Variants in AFG1L observed in about 807,000 individuals in gnomAD.
AFG1L encodes AFG1-like ATPase.
In AFG1L, 53 loss-of-function variants were observed where a neutral mutation model predicts 62.2. The observed-to-expected ratio is 0.85, with a 90% CI of 0.68 to 1.07. The LOEUF (loss-of-function observed/expected upper bound fraction) is 1.07, where lower values mean the gene tolerates loss of function less well. AFG1L is among the 50% of genes least tolerant of loss of function. The probability of loss-of-function intolerance (pLI) is 0.00; values close to 1 mark genes in which losing one functional copy is unlikely to be tolerated. For synonymous variants in AFG1L, 228 were observed against 210.3 expected, an observed-to-expected ratio of 1.08 and a Z score of -0.73; for missense variants, 555 against 590.5, an observed-to-expected ratio of 0.94 and a Z score of 0.62.
chr6:108,337,338 G>A (rs1778511309), intron 2 of AFG1L, among the ~76,000 whole-genome samples: 1 of 152,144 alleles, frequency 6.6e-6, no homozygotes, highest in East Asian at 1.9e-4. Flanking sequence ...TTTGCAATAT[G>A]TTGTATTGAC....
At chr6:108,497,571 A>G (rs1774022416) in intron 10 of AFG1L, among the ~76,000 whole-genome samples, 1 of 152,016 alleles carries the variant, frequency 6.6e-6, no homozygotes, top group Non-Finnish European at 1.5e-5. Context: ...CTAAAACGAT[A>G]CCACAAAATT....
chr6:108,384,316 T>G (rs892181322), intron 6 of AFG1L, among the ~76,000 whole-genome samples: 2 of 152,172 alleles, frequency 1.3e-5, no homozygotes, highest in Non-Finnish European at 2.9e-5. Flanking sequence ...TGGTATAGCC[T>G]GAGGTTCTGT....
intron 7 of AFG1L, among the ~76,000 whole-genome samples, chr6:108,433,653 C>T (rs1457733777): frequency 2.6e-5 from 4 of 152,030 alleles, no homozygotes; most frequent in Non-Finnish European, 4.4e-5. Flanking sequence ...AGTGCAGTGG[C>T]GCGATCTCAG....
At chr6:108,505,367 C>A (rs1325609741) in intron 10 of AFG1L, among the ~76,000 whole-genome samples, 1 of 152,172 alleles carries the variant, frequency 6.6e-6, no homozygotes, top group Admixed American at 6.5e-5. Context: ...TCTGGGATTA[C>A]AGGCATGAAC....
intron 7 of AFG1L, among the ~76,000 whole-genome samples, chr6:108,409,943 G>T (rs1782026504): frequency 6.6e-6 from 1 of 152,144 alleles, no homozygotes; most frequent in South Asian, 2.1e-4. Flanking sequence ...ATGAAAGAAA[G>T]TTAGGTTGAA....
rs187363813 is a variant in AFG1L, at chr6:108,415,686, A to T, written c.807+13632A>T. On this transcript the variant is annotated intron_variant, in intron 7 of 12. Transcript: ENST00000368977. ...GAAATGGGGAAAGGTTTCCCTATTT[A>T]ATAAATGGTGCTGGGAAAACTGGCT... 4.8e-3 allele frequency among the ~76,000 whole-genome samples: 730 copies of T among 152,352 alleles called. 2 individuals are homozygous for T. Among genetic ancestry groups the T allele is most frequent in the African/African-American group, 0.017 (706 of 41,588 alleles).
chr6:108,395,175 G>T (rs557378996), intron 6 of AFG1L, among the ~76,000 whole-genome samples: 1 of 152,134 alleles, frequency 6.6e-6, no homozygotes, highest in South Asian at 2.1e-4. Flanking sequence ...TTACTATAAT[G>T]ATGTTGTGAT....
At chr6:108,335,475 CTG>C (rs1409838087) in intron 2 of AFG1L, among the ~76,000 whole-genome samples, 1 of 152,186 alleles carries the variant, frequency 6.6e-6, no homozygotes, top group Non-Finnish European at 1.5e-5. Flanking sequence ...ACGTATGTCT[CTG>C]TGAATATGTC....
chr6:108,317,381 A>C (rs1325709205), intron 1 of AFG1L, among the ~76,000 whole-genome samples: 4 of 152,088 alleles, frequency 2.6e-5, no homozygotes, highest in Non-Finnish European at 5.9e-5. Flanking sequence ...GGGATGAAAT[A>C]ATAGGGGTGT....
At chr6:108,477,324 C>A (rs373436688) in intron 10 of AFG1L, 32 bp downstream of exon 10, 1 of 1,297,638 alleles carries the variant, frequency 7.7e-7, no homozygotes, top group South Asian at 1.4e-5. Flanking sequence ...GACTCACTGG[C>A]CTTTTCACAT....
chr6:108,501,989 G>T (rs1774223741), intron 10 of AFG1L, among the ~76,000 whole-genome samples: 1 of 152,186 alleles, frequency 6.6e-6, no homozygotes, highest in African/African-American at 2.4e-5. Context: ...TCAGTGAGTT[G>T]TAGTGTTTTT....
At chr6:108,311,084 C>G (rs1777387205) in intron 1 of AFG1L, among the ~76,000 whole-genome samples, 1 of 152,110 alleles carries the variant, frequency 6.6e-6, no homozygotes, top group African/African-American at 2.4e-5. Context: ...GCTCCTGTGG[C>G]CTTTAAGGGT....
intron 3 of AFG1L, among the ~76,000 whole-genome samples, chr6:108,352,457 T>C (rs559499832): frequency 6.6e-6 from 1 of 152,354 alleles, no homozygotes; most frequent in Admixed American, 6.5e-5. Flanking sequence ...ATATAAACTT[T>C]GTGTGTTGTC....
intron 1 of AFG1L, among the ~76,000 whole-genome samples, chr6:108,299,491 G>T (rs1776897540): frequency 6.6e-6 from 1 of 152,102 alleles, no homozygotes. Flanking sequence ...ATTTTAGAGG[G>T]ATATTCAATA....
intron 7 of AFG1L, among the ~76,000 whole-genome samples, chr6:108,423,743 A>G (rs1770698351): frequency 6.6e-6 from 1 of 152,102 alleles, no homozygotes. Flanking sequence ...ACATAAAAGG[A>G]CTTATTAATG....
At chr6:108,385,310 G>A (rs1780714887) in intron 6 of AFG1L, among the ~76,000 whole-genome samples, 1 of 152,224 alleles carries the variant, frequency 6.6e-6, no homozygotes, top group African/African-American at 2.4e-5. Flanking sequence ...GAAGGTTGTG[G>A]GTGTACTGGA....
chr6:108,302,671 G>A (rs930777769), intron 1 of AFG1L, among the ~76,000 whole-genome samples: 2 of 152,092 alleles, frequency 1.3e-5, no homozygotes, highest in Admixed American at 6.6e-5. Flanking sequence ...TTTTATTGGC[G>A]CTATAAGTCA....
At chr6:108,376,353 G>A (rs534710513) in intron 6 of AFG1L, among the ~76,000 whole-genome samples, 1 of 151,802 alleles carries the variant, frequency 6.6e-6, no homozygotes, top group South Asian at 2.1e-4. Flanking sequence ...CTAGCTTTGG[G>A]GTTAGTTTGT....
intron 7 of AFG1L, among the ~76,000 whole-genome samples, chr6:108,421,467 CGTT>C (rs749627840): frequency 7.9e-5 from 12 of 152,028 alleles, no homozygotes; most frequent in Non-Finnish European, 1.6e-4. Flanking sequence ...GTGTATGAAT[CGTT>C]GTCTCTCTGC....
Sources: allele counts gnomAD v4.1 joint callset (sites outside exome capture counted in the v4.1 genomes callset), GRCh38; gene constraint gnomAD v4.1.1; transcripts MANE v1.5; gene names NCBI Gene and HGNC (gene_info 2026-07-23, HGNC 2026-07-21).